The following HIP1 variants were observed in gnomAD, a reference collection of about 807,000 sequenced individuals.
The protein encoded by HIP1 is huntingtin-interacting protein 1.
HIP1 carries 65 observed loss-of-function variants against 147.6 expected under a neutral mutation model. The observed-to-expected ratio is 0.44, with a 90% CI of 0.36 to 0.54. The LOEUF is 0.54. HIP1 is among the 20% of genes least tolerant of loss of function. The pLI, the probability that HIP1 is intolerant of heterozygous loss-of-function variation, is 0.00. For missense variants in HIP1, 1,061 were observed against 1,299.6 expected (o/e 0.82, Z 2.82); for synonymous variants, 479 against 504.0 (o/e 0.95, Z 0.67).
At chr7:75,583,243 C>G (rs1796124324) in intron 5 of HIP1, among the ~76,000 whole-genome samples, 1 of 152,128 alleles carries the variant, frequency 6.6e-6, no homozygotes, top group South Asian at 2.1e-4. Flanking sequence ...TCCCCACACC[C>G]TGCCTGCCTT....
At chr7:75,567,836 G>T (rs1454339273) in intron 9 of HIP1, among the ~76,000 whole-genome samples, 1 of 146,818 alleles carries the variant, frequency 6.8e-6, no homozygotes, top group Admixed American at 6.7e-5. Flanking sequence ...TAGAGACAGG[G>T]TCTCACTTTG....
chr7:75,682,930 T>C (rs539874969), intron 1 of HIP1, among the ~76,000 whole-genome samples: 3 of 152,060 alleles, frequency 2.0e-5, no homozygotes, highest in East Asian at 3.9e-4. Flanking sequence ...CTAAGGACTT[T>C]GGGAGGGAGG....
rs199891291 is a variant in HIP1 at position 75,631,294 on chromosome 7, A to G, written c.121-32047T>C. 5.3e-5 allele frequency among the ~76,000 whole-genome samples: 8 copies of G among 152,208 alleles called. No homozygotes were observed. In the East Asian group the frequency reaches 1.5e-3, roughly 29 times the overall value. On this transcript the variant is annotated intron_variant, in intron 1 of 30. Coordinates refer to ENST00000336926, the MANE Select transcript of HIP1 (RefSeq NM_005338.7). ...TGGCTTGTGTCAAGTACTTTAAGTGAGCATCTTGACAGTGCTGCAAGTCTG... is the reference window on the plus strand; with the variant it reads ...TGGCTTGTGTCAAGTACTTTAAGTGGGCATCTTGACAGTGCTGCAAGTCTG...
In HIP1 at chr7:75,561,401, C is replaced by A; in HGVS notation, c.1119G>T (p.Lys373Asn). Residue 373 changes from lysine (K) to asparagine (N), a missense_variant and splice_region_variant, in exon 13 of 31, where the codon AAG becomes AAT. Coordinates refer to ENST00000336926, the MANE Select transcript of HIP1 (RefSeq NM_005338.7). Reference sequence around the variant, plus strand: ...TGTATAGTCGCTCAATTAAGTGGTCCCTGGGAAGAGAAGGGGAATGAGTTT... The same window carrying A: ...TGTATAGTCGCTCAATTAAGTGGTCACTGGGAAGAGAAGGGGAATGAGTTT... Reference protein sequence around the residue: ...NSQNGVNKDEKDHLIERLYRE... With the variant: ...NSQNGVNKDENDHLIERLYRE... 6.2e-7 allele frequency: 1 copy of A among 1,608,158 alleles called. No homozygotes were observed. Among genetic ancestry groups the A allele is most frequent in the Non-Finnish European group, 8.5e-7 (1 of 1,174,664 alleles).
intron 19 of HIP1, among the ~76,000 whole-genome samples, 188 bp downstream of exon 19, chr7:75,555,228 G>A (rs1334119388): frequency 1.6e-5 from 2 of 127,066 alleles, no homozygotes; most frequent in Non-Finnish European, 3.3e-5. Context: ...AAATACTAGT[G>A]TATAGGCACT....
chr7:75,665,408 C>G (rs1296558093), intron 1 of HIP1, among the ~76,000 whole-genome samples: 1 of 152,152 alleles, frequency 6.6e-6, no homozygotes, highest in Non-Finnish European at 1.5e-5. Context: ...GAGGTAGTAT[C>G]TGTGGAGAGA....
chr7:75,561,480 A>G lies in HIP1; in HGVS notation c.1119-79T>C, dbSNP rs587644026. 16 of 918,972 alleles carry G rather than the reference A, an allele frequency of 1.7e-5. No homozygotes were observed. The South Asian group carries it at 1.8e-4, about 11-fold the overall frequency. The allele number at this position is 918,972 out of a possible 1,614,324, so 56.9% of individuals were successfully genotyped here. ...TTTAATTGTGAGCTCAGGGGAGGAAATTAAAAGCTGGTATTAATTTGGGGA... is the reference window on the plus strand; with the variant it reads ...TTTAATTGTGAGCTCAGGGGAGGAAGTTAAAAGCTGGTATTAATTTGGGGA... On this transcript the variant is annotated intron_variant, in intron 12 of 30. Transcript: ENST00000336926.
intron 29 of HIP1, among the ~76,000 whole-genome samples, 191 bp downstream of exon 29, chr7:75,541,728 A>AC (rs1157019077): frequency 5.1e-4 from 77 of 151,008 alleles, no homozygotes; most frequent in African/African-American, 1.2e-3. Flanking sequence ...AGACAAACAA[A>AC]AAAAAAAAAC....
chr7:75,563,057 G>A lies in HIP1; in HGVS notation c.898C>T (p.Arg300Ter), dbSNP rs782491193. ...QLPENPPNFL[R>*]ASALSEHISP... ...ATATGTTCTGACAGGGCTGAGGCTCGCAGGAAGTTGGGTGGGTTCTGAAGA... is the reference window on the plus strand; with the variant it reads ...ATATGTTCTGACAGGGCTGAGGCTCACAGGAAGTTGGGTGGGTTCTGAAGA... Residue 300 changes from arginine to a stop codon, truncating the protein, a stop_gained, in exon 11 of 31, where the codon CGA (arginine) becomes TGA (stop). Coordinates refer to ENST00000336926, the MANE Select transcript of HIP1 (RefSeq NM_005338.7). LOFTEE classifies it high-confidence loss of function. 2.5e-6 allele frequency: 4 copies of A among 1,614,154 alleles called. No individual in the cohort carries two copies. The highest frequency in any genetic ancestry group is 1.1e-5 in the South Asian group (1 of 91,082).
chr7:75,658,197 G>A (rs1554513053), intron 1 of HIP1, among the ~76,000 whole-genome samples: 1 of 152,050 alleles, frequency 6.6e-6, no homozygotes, highest in Non-Finnish European at 1.5e-5. Context: ...GACTTCAAGC[G>A]ATTCTCCTGC....
At chr7:75,694,493 T>TTATC (rs140729335) in intron 1 of HIP1, among the ~76,000 whole-genome samples, 6,447 of 145,738 alleles carry the variant, frequency 0.044, 190 homozygotes, top group Non-Finnish European at 0.07. Context: ...TTTCTTTTTC[T>TTATC]TTTCTTTCTT....
rs1015610304 is a variant in HIP1 at position 75,629,945 on chromosome 7, G to A, written c.121-30698C>T. 3.3e-5 allele frequency among the ~76,000 whole-genome samples: 5 copies of A among 152,256 alleles called. No homozygotes were observed. In the South Asian group the frequency reaches 1.0e-3, roughly 32 times the overall value. On this transcript the variant is annotated intron_variant, in intron 1 of 30. Transcript: ENST00000336926. ...AGGCCGAGGCAGGAGTATTGCTTGAGGCCAGCAGTTCAAAACCAGCCAGGG... is the reference window on the plus strand; with the variant it reads ...AGGCCGAGGCAGGAGTATTGCTTGAAGCCAGCAGTTCAAAACCAGCCAGGG...
At chr7:75,657,094 C>T (rs924872887) in intron 1 of HIP1, among the ~76,000 whole-genome samples, 1 of 152,114 alleles carries the variant, frequency 6.6e-6, no homozygotes, top group Non-Finnish European at 1.5e-5. Flanking sequence ...ATCGTTCTAC[C>T]GAAAAGACAT....
chr7:75,642,942 G>A (rs543853186), intron 1 of HIP1, among the ~76,000 whole-genome samples: 6 of 152,298 alleles, frequency 3.9e-5, no homozygotes, highest in Non-Finnish European at 1.5e-5. Context: ...ACTTCCAGCC[G>A]GAATTCCAAC....
At chr7:75,624,967 T>A (rs1443380977) in intron 1 of HIP1, 3 of 150,392 alleles carry the variant, frequency 2.0e-5, no homozygotes, top group Non-Finnish European at 3.0e-5. Context: ...GATGTCTTGC[T>A]CTGTCGCCCA....
chr7:75,668,592 T>C (rs1016128810), intron 1 of HIP1, among the ~76,000 whole-genome samples: 13 of 152,096 alleles, frequency 8.5e-5, no homozygotes, highest in African/African-American at 3.1e-4. Context: ...CCCAAAGTGC[T>C]GGGATTACAG....
chr7:75,641,419 A>C (rs1390315251), intron 1 of HIP1, among the ~76,000 whole-genome samples: 1 of 148,622 alleles, frequency 6.7e-6, no homozygotes, highest in African/African-American at 2.5e-5. Flanking sequence ...CACCATGCTC[A>C]GTCTTCCCTC....
chr7:75,574,019 C>T lies in HIP1; in HGVS notation c.605-118G>A. ...AAGGACCGATTCTGTGCGTGCTTTA[C>T]CTCATCTAATTCATTTAACCTTCAC... On this transcript the variant is annotated intron_variant, in intron 7 of 30. Coordinates refer to ENST00000336926, the MANE Select transcript of HIP1 (RefSeq NM_005338.7). The T allele has an allele frequency of 2.6e-6, 2 of 766,192 alleles. 1 individual carries two copies. Among genetic ancestry groups the T allele is most frequent in the South Asian group, 3.6e-5 (2 of 55,106 alleles). 47.5% of individuals were successfully genotyped at this position (766,192 alleles called of 1,614,324 possible).
intron 1 of HIP1, among the ~76,000 whole-genome samples, chr7:75,732,620 A>G (rs1352198167): frequency 6.6e-6 from 1 of 152,154 alleles, no homozygotes; most frequent in African/African-American, 2.4e-5. Flanking sequence ...GGCTCAAGCC[A>G]TCCTCCCGCC....
Sources: allele counts gnomAD v4.1 joint callset (sites outside exome capture counted in the v4.1 genomes callset), GRCh38; gene constraint gnomAD v4.1.1; transcripts MANE v1.5; gene names NCBI Gene and HGNC (gene_info 2026-07-23, HGNC 2026-07-21).